The following FREM2 variants were observed in gnomAD, a reference collection of about 807,000 sequenced individuals.
FREM2 encodes FRAS1 related extracellular matrix 2, also known as FRAS1-related extracellular matrix protein 2.
FREM2 carries 119 observed loss-of-function variants against 219.9 expected under a neutral mutation model. The observed-to-expected ratio is 0.54, with a 90% confidence interval of 0.47 to 0.63. The LOEUF is 0.63. Ranked by LOEUF, FREM2 falls within the 30% of genes least tolerant of loss-of-function variation. The pLI is 0.00. For missense variants in FREM2, 4,030 were observed against 3,993.6 expected (o/e 1.01, Z -0.25); for synonymous variants, 1,562 against 1,522.8 (o/e 1.03, Z -0.60).
At chr13:38,751,901 C>A (rs1016093545) in intron 2 of FREM2, among the ~76,000 whole-genome samples, 3 of 134,600 alleles carry the variant, frequency 2.2e-5, no homozygotes, top group African/African-American at 8.6e-5. Flanking sequence ...TGTGTGTTTT[C>A]CTTTTGGCAG....
intron 2 of FREM2, among the ~76,000 whole-genome samples, chr13:38,736,673 A>G (rs2137774476): frequency 6.6e-6 from 1 of 152,304 alleles, no homozygotes; most frequent in East Asian, 1.9e-4. Context: ...GTTAAACCTC[A>G]TCTATTAGAA....
intron 11 of FREM2, among the ~76,000 whole-genome samples, chr13:38,852,410 C>T (rs1041239846): frequency 2.6e-5 from 4 of 152,106 alleles, no homozygotes; most frequent in Admixed American, 6.5e-5. Context: ...AAATAACCTT[C>T]TGTTTGAATT....
chr13:38,874,486 T>C lies in FREM2; in HGVS notation c.8181T>C (p.Ser2727=). The C allele has an allele frequency of 6.2e-7, 1 of 1,613,670 alleles. No homozygotes were observed. Residue 2727 remains serine, a synonymous_variant, in exon 18 of 24, where the codon TCT becomes TCC. Transcript: ENST00000280481. ...TTGGTACTCTCCCCATTATAGGTTC[T>C]CTCTATCCAACCAGCATGCGCATCG... The part of the protein sequence containing the change: ...GSPPEAELQG[S]LYPTSMRIGD...
chr13:38,787,727 A>G (rs1874387076), intron 6 of FREM2, among the ~76,000 whole-genome samples: 1 of 149,532 alleles, frequency 6.7e-6, no homozygotes, highest in Non-Finnish European at 1.5e-5. Flanking sequence ...TATTAAGTTT[A>G]TTATTGTTAT....
At chr13:38,767,790 T>TG (rs1873499844) in intron 3 of FREM2, among the ~76,000 whole-genome samples, 1 of 152,244 alleles carries the variant, frequency 6.6e-6, no homozygotes, top group Admixed American at 6.5e-5. Context: ...CTGCAATTCC[T>TG]GGTTCTGTGC....
At chr13:38,792,927 A>G (rs996034786) in intron 6 of FREM2, among the ~76,000 whole-genome samples, 4 of 152,356 alleles carry the variant, frequency 2.6e-5, no homozygotes, top group East Asian at 3.9e-4. Flanking sequence ...TCCATTTGAA[A>G]TAAATTCACA....
At chr13:38,743,353 G>A (rs1166795599) in intron 2 of FREM2, among the ~76,000 whole-genome samples, 3 of 151,218 alleles carry the variant, frequency 2.0e-5, no homozygotes, top group Admixed American at 6.6e-5. Context: ...ATAGTATGTG[G>A]CAAGATTTCT....
At position 38,690,730 on chromosome 13, in the gene FREM2, C is replaced by T. The variant is rs1395226775; in HGVS notation, c.3386C>T (p.Ala1129Val). The T allele has an allele frequency of 2.5e-6, 4 of 1,613,926 alleles. No homozygotes were observed. The highest frequency in any genetic ancestry group is 3.4e-6 in the Non-Finnish European group (4 of 1,180,008). The stretch of plus-strand genomic sequence containing the variant: ...GCACCAGGCTCTGAGAAATCAAGAG[C>T]AGGGATTGCCATAAGTGCTTTCAAC... ...SPAPGSEKSR[A>V]GIAISAFNLK... The change falls in exon 1 of 24, where the codon GCA becomes GTA. Residue 1129 changes from alanine to valine, a missense_variant. By Grantham distance (64) the Ala-to-Val change is moderately conservative. Transcript: ENST00000280481.
intron 2 of FREM2, among the ~76,000 whole-genome samples, chr13:38,748,880 T>G (rs61949791): frequency 0.14 from 21,696 of 152,210 alleles, 1,647 homozygotes; most frequent in Middle Eastern, 0.27. Context: ...GCATTTTTGT[T>G]CTTTGTAAGA....
intron 16 of FREM2, among the ~76,000 whole-genome samples, chr13:38,872,406 CTGTTTACT>C (rs1277490190): frequency 2.0e-5 from 3 of 152,162 alleles, no homozygotes; most frequent in African/African-American, 7.2e-5. Context: ...AACCATTGAA[CTGTTTACT>C]TTAAATAGGT....
intron 4 of FREM2, among the ~76,000 whole-genome samples, chr13:38,782,329 A>G (rs1279356390): frequency 6.6e-6 from 1 of 151,160 alleles, no homozygotes; most frequent in African/African-American, 2.4e-5. Flanking sequence ...TGATAACTGC[A>G]TTTTTTTTTA....
At chr13:38,850,845 A>T (rs1406032237) in intron 9 of FREM2, 99 bp from the exon 10 acceptor site, 1 of 1,332,302 alleles carries the variant, frequency 7.5e-7, no homozygotes, top group Non-Finnish European at 1.1e-6. Context: ...GCACTGATAC[A>T]GCAGGGAAAA....
chr13:38,859,593 C>A lies in FREM2; in HGVS notation c.7519+3C>A. 1 of 1,613,018 alleles carries A rather than the reference C, an allele frequency of 6.2e-7. No individual in the cohort carries two copies. Among genetic ancestry groups the A allele is most frequent in the South Asian group, 1.1e-5 (1 of 90,838 alleles). On this transcript the variant is annotated splice_donor_region_variant and intron_variant, in intron 14 of 23. Transcript: ENST00000280481. Reference sequence around the variant, plus strand: ...TGTAACCATCAGCAGAGAAGAAGGTCAGTCATTGCCATTTTCCCCTGAAGA... The same window carrying A: ...TGTAACCATCAGCAGAGAAGAAGGTAAGTCATTGCCATTTTCCCCTGAAGA...
At chr13:38,780,397 T>C (rs1256729250) in intron 4 of FREM2, among the ~76,000 whole-genome samples, 1 of 152,216 alleles carries the variant, frequency 6.6e-6, no homozygotes, top group Non-Finnish European at 1.5e-5. Flanking sequence ...CATGCAGCCC[T>C]GTCATTCCAC....
chr13:38,806,835 C>G (rs1654147816), intron 6 of FREM2, among the ~76,000 whole-genome samples: 1 of 151,832 alleles, frequency 6.6e-6, no homozygotes, highest in Non-Finnish European at 1.5e-5. Flanking sequence ...TTCTTTCAAA[C>G]TCTGTCACTG....
chr13:38,874,791 G>T (rs1246323048), intron 18 of FREM2, among the ~76,000 whole-genome samples: 1 of 152,152 alleles, frequency 6.6e-6, no homozygotes, highest in Non-Finnish European at 1.5e-5. Flanking sequence ...CAGACTTTCA[G>T]AGAAAATGCA....
chr13:38,836,107 A>G (rs1484466751), intron 6 of FREM2, among the ~76,000 whole-genome samples: 1 of 152,126 alleles, frequency 6.6e-6, no homozygotes, highest in Non-Finnish European at 1.5e-5. Context: ...TTATTTTGAG[A>G]TATGTTCCAT....
In FREM2 at chr13:38,880,379, C is replaced by T; in HGVS notation, c.9102C>T (p.Tyr3034=). 6.2e-7 allele frequency: 1 copy of T among 1,614,000 alleles called. No homozygotes were observed. Among genetic ancestry groups the T allele is most frequent in the Non-Finnish European group, 8.5e-7 (1 of 1,180,014 alleles). ...GTATTGGCAAAAGAAGTGTGGAGTACCATTCTCTGGTGAGTCAAGGAAAGC... is the reference window on the plus strand; with the variant it reads ...GTATTGGCAAAAGAAGTGTGGAGTATCATTCTCTGGTGAGTCAAGGAAAGC... ...NRGIGKRSVE[Y]HSLVSQGKPQ... The change falls in exon 24 of 24, where the codon TAC becomes TAT. Residue 3034 remains tyrosine (Y), a synonymous_variant. Coordinates refer to ENST00000280481, the MANE Select transcript of FREM2 (RefSeq NM_207361.6).
intron 2 of FREM2, among the ~76,000 whole-genome samples, chr13:38,734,762 T>TC (rs1871915000): frequency 1.4e-5 from 2 of 145,502 alleles, no homozygotes; most frequent in African/African-American, 2.6e-5. Flanking sequence ...TTTTTTTTTT[T>TC]CTGAAACACA....
Sources: allele counts gnomAD v4.1 joint callset (sites outside exome capture counted in the v4.1 genomes callset), GRCh38; gene constraint gnomAD v4.1.1; transcripts MANE v1.5; gene names NCBI Gene and HGNC (gene_info 2026-07-23, HGNC 2026-07-21).